ARHGAP10: variants seen among roughly 807,000 people sequenced by gnomAD.
ARHGAP10 encodes the protein Rho GTPase activating protein 10, also known as rho GTPase-activating protein 10.
ARHGAP10 carries 87 observed loss-of-function variants against 108.6 expected under a neutral mutation model. That is an observed-to-expected ratio of 0.80 (90% CI 0.67 to 0.96). The LOEUF (loss-of-function observed/expected upper bound fraction) is 0.96, where lower values mean the gene tolerates loss of function less well. Ranked by LOEUF, ARHGAP10 falls within the 40% of genes least tolerant of loss-of-function variation. The pLI is 0.00. For synonymous variants in ARHGAP10, 347 were observed against 341.1 expected (o/e 1.02, Z -0.19); for missense variants, 939 against 954.5 (o/e 0.98, Z 0.21).
rs559660062 is a variant in ARHGAP10 at position 147,904,801 on chromosome 4, C to G, written c.1035-1837C>G. On this transcript the variant is annotated intron_variant, in intron 10 of 22. Coordinates refer to ENST00000336498, the MANE Select transcript of ARHGAP10 (RefSeq NM_024605.4). ...TTCTAGTTCTAGATCCCTGAGGAATCGCCACACTGACTTCCACAATGGTTG... is the reference window on the plus strand; with the variant it reads ...TTCTAGTTCTAGATCCCTGAGGAATGGCCACACTGACTTCCACAATGGTTG... 6.9e-3 allele frequency among the ~76,000 whole-genome samples: 1,045 copies of G among 152,276 alleles called. 12 individuals carry two copies. The highest frequency in any genetic ancestry group is 0.023 in the African/African-American group (942 of 41,534).
At chr4:147,864,697 G>GT in intron 5 of ARHGAP10, 149 bp from the exon 6 acceptor site, 1 of 606,506 alleles carries the variant, frequency 1.6e-6, no homozygotes, top group African/African-American at 1.9e-5. Context: ...ATACATAAAT[G>GT]AATTGTCGTA....
chr4:147,944,859 C>A (rs75430723), intron 14 of ARHGAP10, among the ~76,000 whole-genome samples: 1,596 of 152,200 alleles, frequency 0.01, 15 homozygotes, highest in South Asian at 0.018. Context: ...CCTGCCTCCT[C>A]CCTTTGGGTA....
In ARHGAP10 at chr4:148,064,585, C is replaced by A. The variant is rs546896558; in HGVS notation, c.2272+78C>A. ...TCTGCAGCATGGAGTGAGCAGTCAG[C>A]GATGGTGCTGTTGTCGGGAGGGCGA... On this transcript the variant is annotated intron_variant, in intron 22 of 22. Transcript: ENST00000336498. 3.0e-6 allele frequency: 4 copies of A among 1,316,686 alleles called. No individual in the cohort carries two copies. The African/African-American group carries it at 5.8e-5, about 19-fold the overall frequency. 81.6% of individuals were successfully genotyped at this position (1,316,686 alleles called of 1,614,324 possible).
chr4:147,942,296 A>G (rs1247228422), intron 14 of ARHGAP10, among the ~76,000 whole-genome samples: 1 of 152,142 alleles, frequency 6.6e-6, no homozygotes, highest in Non-Finnish European at 1.5e-5. Flanking sequence ...GCCATGTACT[A>G]TTTTTTGAGG....
At chr4:147,733,904 C>T (rs1728323070) in intron 1 of ARHGAP10, among the ~76,000 whole-genome samples, 1 of 152,020 alleles carries the variant, frequency 6.6e-6, no homozygotes, top group South Asian at 2.1e-4. Context: ...GTCTCTGCTG[C>T]TTGAATCAGA....
At chr4:147,972,180 A>G (rs1739436810) in intron 18 of ARHGAP10, among the ~76,000 whole-genome samples, 1 of 152,166 alleles carries the variant, frequency 6.6e-6, no homozygotes, top group South Asian at 2.1e-4. Flanking sequence ...AGTATAACGT[A>G]AGGTATAGTT....
intron 16 of ARHGAP10, among the ~76,000 whole-genome samples, chr4:147,956,366 C>T (rs1274446134): frequency 6.6e-6 from 1 of 152,078 alleles, no homozygotes; most frequent in Non-Finnish European, 1.5e-5. Context: ...TGTAAAGGTT[C>T]CTCCTGTGTT....
intron 20 of ARHGAP10, among the ~76,000 whole-genome samples, chr4:148,062,041 C>CA (rs2149689571): frequency 6.6e-6 from 1 of 152,218 alleles, no homozygotes; most frequent in South Asian, 2.1e-4. Flanking sequence ...AAGCTTGAGG[C>CA]GGAGGTGGGA....
chr4:147,911,605 G>A lies in ARHGAP10; in HGVS notation c.1163-1469G>A, dbSNP rs192839414. Among the ~76,000 whole-genome samples the A allele has an allele frequency of 3.3e-3, 500 of 149,918 alleles. 3 individuals are homozygous for A. The highest frequency in any genetic ancestry group is 0.02 in the East Asian group (101 of 5,076). Reference sequence around the variant, plus strand: ...TCTTGATCTCCTGACTTCGTGATCCGCCCACCTTGGCCTCCCAAAGTGCTG... The same window carrying A: ...TCTTGATCTCCTGACTTCGTGATCCACCCACCTTGGCCTCCCAAAGTGCTG... On this transcript the variant is annotated intron_variant, in intron 12 of 22. Transcript: ENST00000336498.
Position 147,733,618 on chromosome 4 carries a change from C to G in ARHGAP10, c.154+1163C>G, listed in dbSNP as rs921761994. ...TCCCCCATCTCACTGTTCTCCCGAC[C>G]GCGCCCCGCCCCATTTTTCAGTAAG... On this transcript the variant is annotated intron_variant, in intron 1 of 22. Coordinates refer to ENST00000336498, the MANE Select transcript of ARHGAP10 (RefSeq NM_024605.4). Among the ~76,000 whole-genome samples, 9 of 152,168 alleles carry G rather than the reference C, an allele frequency of 5.9e-5. No individual in the cohort carries two copies. The East Asian group carries it at 9.6e-4, about 16-fold the overall frequency.
rs1250278508 is a variant in ARHGAP10 at position 147,937,081 on chromosome 4, A to G, written c.1229-2744A>G. ...TTCTGAAACCATCCCCCCCACCCCA[A>G]TCGGTGGAAAAATTGTCTTCCATGA... On this transcript the variant is annotated intron_variant, in intron 13 of 22. Coordinates refer to ENST00000336498, the MANE Select transcript of ARHGAP10 (RefSeq NM_024605.4). 5.9e-5 allele frequency among the ~76,000 whole-genome samples: 9 copies of G among 152,098 alleles called. No individual in the cohort carries two copies. The South Asian group carries it at 6.2e-4, about 11-fold the overall frequency.
Position 147,955,301 on chromosome 4 carries a change from G to A in ARHGAP10, c.1392-15G>A. 1 of 1,605,278 alleles carries A rather than the reference G, an allele frequency of 6.2e-7. No individual in the cohort carries two copies. Among genetic ancestry groups the A allele is most frequent in the Non-Finnish European group, 8.5e-7 (1 of 1,174,580 alleles). On this transcript the variant is annotated splice_polypyrimidine_tract_variant and intron_variant, in intron 15 of 22. Transcript: ENST00000336498. ...TGGATTTATTTGATAATTCTGAGCT[G>A]TTCTTTTCACACAGGAGTCTTCCAG...
chr4:147,841,515 G>T (rs2126810766), intron 3 of ARHGAP10, among the ~76,000 whole-genome samples: 1 of 152,244 alleles, frequency 6.6e-6, no homozygotes, highest in East Asian at 1.9e-4. Flanking sequence ...TTCATTTGTT[G>T]CTGGGGAAGA....
At chr4:147,924,252 C>A (rs1225395054) in intron 13 of ARHGAP10, among the ~76,000 whole-genome samples, 1 of 152,170 alleles carries the variant, frequency 6.6e-6, no homozygotes, top group Non-Finnish European at 1.5e-5. Flanking sequence ...AGACGGCGAA[C>A]CCCGAGTCCT....
intron 12 of ARHGAP10, among the ~76,000 whole-genome samples, chr4:147,910,303 G>A (rs116563052): frequency 0.011 from 1,621 of 151,788 alleles, 29 homozygotes; most frequent in African/African-American, 0.038. Context: ...GATTACAGGC[G>A]TGAGTCACCT....
chr4:147,831,017 G>T (rs368009434), intron 3 of ARHGAP10, among the ~76,000 whole-genome samples: 24 of 152,292 alleles, frequency 1.6e-4, no homozygotes, highest in East Asian at 1.2e-3. Flanking sequence ...CTTTAGGAAC[G>T]TGCAAGAAAT....
In ARHGAP10 at chr4:147,946,693, A is replaced by C. The variant is rs779801979; in HGVS notation, c.1380A>C (p.Lys460Asn). 6.2e-7 allele frequency: 1 copy of C among 1,609,604 alleles called. No individual in the cohort carries two copies. The highest frequency in any genetic ancestry group is 1.1e-5 in the South Asian group (1 of 89,812). ...WEVKTITSAL[K>N]QYLRSLPEPL... Reference sequence around the variant, plus strand: ...TGAAGACAATAACAAGTGCCTTGAAACAGTATTTGAGGTAAGCTCCTCTCA... The same window carrying C: ...TGAAGACAATAACAAGTGCCTTGAACCAGTATTTGAGGTAAGCTCCTCTCA... The change falls in exon 15 of 23, where the codon AAA becomes AAC. Residue 460 changes from lysine to asparagine, a missense_variant. By Grantham distance (94) the Lys-to-Asn change is moderately conservative. Coordinates refer to ENST00000336498, the MANE Select transcript of ARHGAP10 (RefSeq NM_024605.4).
At chr4:147,930,125 C>T (rs982234037) in intron 13 of ARHGAP10, among the ~76,000 whole-genome samples, 2 of 152,130 alleles carry the variant, frequency 1.3e-5, no homozygotes, top group African/African-American at 4.8e-5. Flanking sequence ...CATTCCATGC[C>T]AGGCAATCTG....
At chr4:148,066,525 G>T (rs1399587963) in intron 22 of ARHGAP10, among the ~76,000 whole-genome samples, 1 of 152,224 alleles carries the variant, frequency 6.6e-6, no homozygotes, top group East Asian at 1.9e-4. Flanking sequence ...ATGATTTGGA[G>T]TCTTCCTAAA....
Sources: gnomAD v4.1 joint callset for allele counts (sites outside exome capture counted in the v4.1 genomes callset) on GRCh38, gnomAD v4.1.1 for gene constraint, MANE v1.5 for transcripts, NCBI Gene and HGNC (gene_info 2026-07-23, HGNC 2026-07-21) for gene names.